RARB: variants seen among roughly 807,000 people sequenced by gnomAD.
RARB encodes retinoic acid receptor beta, also known as HBV-activated protein.
A neutral mutation model predicts 51.9 loss-of-function variants in RARB; 17 were observed. That is an observed-to-expected ratio of 0.33 (90% CI 0.22 to 0.49). The LOEUF (loss-of-function observed/expected upper bound fraction) is 0.49. Among genes scored for constraint, RARB ranks in the 20% least tolerant of loss-of-function variants. RARB has a pLI of 0.99. For missense variants in RARB, 369 were observed against 550.8 expected, an observed-to-expected ratio of 0.67 and a Z score of 3.30; for synonymous variants, 215 against 195.4, an observed-to-expected ratio of 1.10 and a Z score of -0.84.
chr3:24,999,669 G>T (rs1446361748), intron 2 of RARB, among the ~76,000 whole-genome samples: 1 of 152,134 alleles, frequency 6.6e-6, no homozygotes, highest in Non-Finnish European at 1.5e-5. Context: ...AGCCCTTTTG[G>T]TTGTGTGCAT....
At chr3:24,973,226 A>G (rs1696439769) in intron 2 of RARB, among the ~76,000 whole-genome samples, 1 of 152,082 alleles carries the variant, frequency 6.6e-6, no homozygotes, top group Non-Finnish European at 1.5e-5. Context: ...CATTTATTGA[A>G]GAGACTGATC....
chr3:25,424,544 G>C (rs1353248156), upstream of RARB, among the ~76,000 whole-genome samples: 1 of 152,014 alleles, frequency 6.6e-6, no homozygotes, highest in Non-Finnish European at 1.5e-5. Flanking sequence ...GGGATTAACA[G>C]GGAAAAAAAA....
At chr3:24,899,324 T>TG (rs1703546756) in intron 2 of RARB, among the ~76,000 whole-genome samples, 1 of 152,180 alleles carries the variant, frequency 6.6e-6, no homozygotes. Context: ...TTCTGTGGCG[T>TG]ATTCACAGGC....
intron 5 of RARB, among the ~76,000 whole-genome samples, chr3:25,266,346 C>G (rs888722426): frequency 6.6e-6 from 1 of 152,074 alleles, no homozygotes; most frequent in Non-Finnish European, 1.5e-5. Flanking sequence ...ATGCAGGCAT[C>G]CTTTCTAATG....
chr3:25,498,802 C>T (rs147068238), intron 2 of RARB, among the ~76,000 whole-genome samples: 1 of 152,264 alleles, frequency 6.6e-6, no homozygotes, highest in Non-Finnish European at 1.5e-5. Flanking sequence ...TAATGTTTCT[C>T]GGCAGAAGAG....
intron 3 of RARB, among the ~76,000 whole-genome samples, chr3:25,504,907 G>A (rs1367962143): frequency 2.0e-5 from 3 of 151,356 alleles, no homozygotes; most frequent in Non-Finnish European, 4.4e-5. Context: ...ATAGGCGCCT[G>A]CCACCACGCC....
At chr3:25,012,069 C>T (rs1353518811) in intron 2 of RARB, among the ~76,000 whole-genome samples, 1 of 152,084 alleles carries the variant, frequency 6.6e-6, no homozygotes, top group Admixed American at 6.6e-5. Context: ...TAAATTCAAT[C>T]TCAGTGGGGA....
chr3:25,345,906 TA>T (rs1179320707), intron 5 of RARB: 15 of 890,710 alleles, frequency 1.7e-5, no homozygotes, highest in Non-Finnish European at 2.0e-5. Flanking sequence ...CATGTCAGTT[TA>T]AAAAAAGAGA....
At chr3:25,500,454 G>GTTTTTTTTTTTTTTTTTTTTTTTTTTTGT (rs1697250304) in intron 2 of RARB, among the ~76,000 whole-genome samples, 1 of 66,146 alleles carries the variant, frequency 1.5e-5, no homozygotes, top group Non-Finnish European at 2.9e-5. Context: ...TTCTTTTCTT[G>GTTTTTTTTTTTTTTTTTTTTTTTTTTTGT]TTTTTTTTTT....
intron 4 of RARB, among the ~76,000 whole-genome samples, chr3:25,161,684 G>A (rs187169199): frequency 6.6e-6 from 1 of 152,150 alleles, no homozygotes; most frequent in African/African-American, 2.4e-5. Flanking sequence ...ACATATTCTT[G>A]TGCATATCTC....
At chr3:24,837,000 C>T (rs538765501) in intron 1 of RARB, among the ~76,000 whole-genome samples, 21 of 152,254 alleles carry the variant, frequency 1.4e-4, no homozygotes, top group African/African-American at 4.8e-5. Context: ...TTGGGGCTGA[C>T]GTTCTGTTGG....
intron 1 of RARB, among the ~76,000 whole-genome samples, chr3:25,455,818 C>CTT (rs1220769202): frequency 6.6e-6 from 1 of 152,140 alleles, no homozygotes; most frequent in Non-Finnish European, 1.5e-5. Context: ...GAGGCTGCTG[C>CTT]TTGTTGGGCA....
chr3:25,213,438 T>C (rs1701746448), intron 5 of RARB, among the ~76,000 whole-genome samples: 1 of 152,216 alleles, frequency 6.6e-6, no homozygotes, highest in Middle Eastern at 3.2e-3. Context: ...ATTGTATGAA[T>C]ATACCACATC....
chr3:25,530,485 C>T (rs1450788846), intron 3 of RARB, among the ~76,000 whole-genome samples: 1 of 152,204 alleles, frequency 6.6e-6, no homozygotes, highest in Non-Finnish European at 1.5e-5. Context: ...TTTTTGGAGG[C>T]TCTAGGGGAG....
In RARB at chr3:25,260,008, T is replaced by C. The variant is rs546981838; in HGVS notation, c.178+85433T>C. On this transcript the variant is annotated intron_variant, in intron 5 of 11. Transcript: ENST00000383772. ...GCCTTTTACTCTCCTCAGTTTGTTT[T>C]TGAAACGTTTTTCCCCTTTCTCCTT... 216 of 985,014 alleles carry C rather than the reference T, an allele frequency of 2.2e-4. 1 individual carries two copies. In the South Asian group the frequency reaches 6.9e-3, roughly 31 times the overall value. 61.0% of individuals were successfully genotyped at this position (985,014 alleles called of 1,614,324 possible).
At chr3:25,356,626 T>C (rs1446175785) in intron 5 of RARB, among the ~76,000 whole-genome samples, 1 of 152,072 alleles carries the variant, frequency 6.6e-6, no homozygotes, top group Non-Finnish European at 1.5e-5. Flanking sequence ...CAACCCATCA[T>C]CTACATTAGG....
chr3:25,533,390 T>G (rs151198129), intron 3 of RARB, among the ~76,000 whole-genome samples: 55 of 152,308 alleles, frequency 3.6e-4, no homozygotes, highest in African/African-American at 1.3e-3. Flanking sequence ...TCGAAAACAC[T>G]AATGAGCCAA....
chr3:25,546,009 CA>C (rs1699602506), intron 3 of RARB, among the ~76,000 whole-genome samples: 1 of 152,006 alleles, frequency 6.6e-6, no homozygotes, highest in Non-Finnish European at 1.5e-5. Flanking sequence ...AGTAAAGACT[CA>C]AAGGAGGTGA....
chr3:25,314,777 G>A (rs961913311), intron 5 of RARB, among the ~76,000 whole-genome samples: 1 of 152,144 alleles, frequency 6.6e-6, no homozygotes, highest in African/African-American at 2.4e-5. Flanking sequence ...GAGGTTTGGG[G>A]TATAATTGAT....
Sources: allele counts gnomAD v4.1 joint callset (sites outside exome capture counted in the v4.1 genomes callset), GRCh38; gene constraint gnomAD v4.1.1; transcripts MANE v1.5; gene names NCBI Gene and HGNC (gene_info 2026-07-23, HGNC 2026-07-21).